Variants in BLTP1 observed in about 807,000 individuals in gnomAD.
BLTP1 encodes bridge-like lipid transfer protein family member 1.
the BLTP1 span, among the ~76,000 whole-genome samples, chr4:122,278,882 T>G: frequency 6.6e-6 from 1 of 152,238 alleles, no homozygotes; most frequent in African/African-American, 2.4e-5. Context: ...TCTGCTCACC[T>G]CACTTTCAAA....
At chr4:122,226,271 C>T in the BLTP1 span, 1 of 377,644 alleles carries the variant, frequency 2.6e-6, no homozygotes, top group Middle Eastern at 1.4e-3. Flanking sequence ...CTTTAATCTT[C>T]AAAATACCTG....
chr4:122,211,015 C>T, the BLTP1 span: 1 of 1,610,888 alleles, frequency 6.2e-7, no homozygotes, highest in Non-Finnish European at 8.5e-7. Flanking sequence ...ACCTGATAAA[C>T]TTCATGTAGA....
chr4:122,291,828 T>C, the BLTP1 span: 1 of 979,076 alleles, frequency 1.0e-6, no homozygotes. Flanking sequence ...AAAATTATTG[T>C]TTAGTATGTT....
chr4:122,174,271 C>G, the BLTP1 span: 1 of 984,896 alleles, frequency 1.0e-6, no homozygotes, highest in South Asian at 4.7e-5. Flanking sequence ...GAATTAGTCA[C>G]TACTTTGGGT....
At chr4:122,218,428 T>A in the BLTP1 span, among the ~76,000 whole-genome samples, 1 of 152,154 alleles carries the variant, frequency 6.6e-6, no homozygotes, top group African/African-American at 2.4e-5. Context: ...GCCGGTAGGT[T>A]TGGGATTTAA....
At chr4:122,192,195 T>C in the BLTP1 span, 31 of 1,598,036 alleles carry the variant, frequency 1.9e-5, no homozygotes, top group Non-Finnish European at 2.6e-5. Flanking sequence ...CCATTTTAAA[T>C]AACTGCCTTT....
At chr4:122,250,298 G>A in the BLTP1 span, 2 of 1,477,146 alleles carry the variant, frequency 1.4e-6, no homozygotes, top group South Asian at 1.2e-5. Context: ...TACAGATATT[G>A]TAGAGTACAG....
chr4:122,266,410 AAT>A, the BLTP1 span, among the ~76,000 whole-genome samples: 3 of 152,070 alleles, frequency 2.0e-5, no homozygotes, highest in African/African-American at 4.8e-5. Flanking sequence ...TTGTGAATGT[AAT>A]ATATGTTTTT....
chr4:122,179,253 G>A, the BLTP1 span, among the ~76,000 whole-genome samples: 1 of 152,002 alleles, frequency 6.6e-6, no homozygotes. Context: ...GGTGGCAGAG[G>A]AAGACCTTTT....
the BLTP1 span, chr4:122,343,667 A>G: frequency 2.7e-5 from 42 of 1,569,636 alleles, no homozygotes; most frequent in Non-Finnish European, 3.3e-5. Context: ...CAAGCTTTCA[A>G]GCTTTATTTT....
the BLTP1 span, chr4:122,314,207 G>A: frequency 1.3e-6 from 1 of 776,088 alleles, no homozygotes; most frequent in Non-Finnish European, 1.6e-6. Context: ...AATTCAGGCA[G>A]AGAGAATAAT....
the BLTP1 span, chr4:122,333,521 C>G: frequency 1.8e-6 from 2 of 1,142,384 alleles, no homozygotes; most frequent in South Asian, 3.6e-5. Flanking sequence ...ATTGTAGATT[C>G]TGGATATTAG....
chr4:122,279,764 T>C, the BLTP1 span: 5 of 1,609,486 alleles, frequency 3.1e-6, no homozygotes, highest in Non-Finnish European at 3.4e-6. Flanking sequence ...GTCTTCTTTC[T>C]CTATTGATAG....
the BLTP1 span, chr4:122,307,812 C>G: frequency 6.8e-7 from 1 of 1,474,692 alleles, no homozygotes; most frequent in Non-Finnish European, 8.9e-7. Context: ...TTAGATCTTT[C>G]CTAATTCTAA....
the BLTP1 span, among the ~76,000 whole-genome samples, chr4:122,282,540 G>C: frequency 6.6e-6 from 1 of 152,158 alleles, no homozygotes. Context: ...TACTCAGGAA[G>C]CTGAGGCAGG....
At chr4:122,337,083 A>G in the BLTP1 span, 7 of 1,395,200 alleles carry the variant, frequency 5.0e-6, no homozygotes, top group South Asian at 7.4e-5. Flanking sequence ...GTTTATTTGA[A>G]CATTTCAACA....
chr4:122,235,519 A>G, the BLTP1 span: 3 of 978,560 alleles, frequency 3.1e-6, no homozygotes, highest in Non-Finnish European at 3.6e-6. Flanking sequence ...CTTTAGCATA[A>G]CTCTGGCCGG....
the BLTP1 span, chr4:122,173,063 T>A: frequency 6.2e-7 from 1 of 1,613,020 alleles, no homozygotes; most frequent in Non-Finnish European, 8.5e-7. Flanking sequence ...GGATGGATTA[T>A]TTACCTCACA....
chr4:122,300,134 G>A, the BLTP1 span, among the ~76,000 whole-genome samples: 9 of 152,062 alleles, frequency 5.9e-5, no homozygotes, highest in East Asian at 1.5e-3. Context: ...ACAGCCTCTC[G>A]AGTAGCTGGG....
Sources: allele counts gnomAD v4.1 joint callset (sites outside exome capture counted in the v4.1 genomes callset), GRCh38; gene constraint gnomAD v4.1.1; transcripts MANE v1.5; gene names NCBI Gene and HGNC (gene_info 2026-07-23, HGNC 2026-07-21).